The following SMG6 variants were observed in gnomAD, a reference collection of about 807,000 sequenced individuals.
The protein encoded by SMG6 is telomerase-binding protein EST1A.
SMG6 carries 66 observed loss-of-function variants against 142.2 expected under a neutral mutation model. The observed-to-expected ratio is 0.46, with a 90% CI of 0.38 to 0.57. SMG6 has a LOEUF of 0.57. SMG6 is among the 20% of genes least tolerant of loss of function. The probability of loss-of-function intolerance (pLI) is 0.00; values close to 1 mark genes in which losing one functional copy is unlikely to be tolerated. For synonymous variants in SMG6, 779 were observed against 702.4 expected (o/e 1.11, Z -1.72); for missense variants, 1,793 against 1,832.0 (o/e 0.98, Z 0.39).
chr17:2,076,534 A>T (rs998415589), intron 15 of SMG6, among the ~76,000 whole-genome samples: 1 of 152,216 alleles, frequency 6.6e-6, no homozygotes, highest in Non-Finnish European at 1.5e-5. Flanking sequence ...CTGAGGGCAC[A>T]CATGTGTGTG....
At chr17:2,162,019 G>A (rs942889355) in intron 13 of SMG6, among the ~76,000 whole-genome samples, 4 of 152,114 alleles carry the variant, frequency 2.6e-5, no homozygotes, top group African/African-American at 4.8e-5. Flanking sequence ...AGATGGCATC[G>A]TTTATACAAC....
intron 16 of SMG6, among the ~76,000 whole-genome samples, chr17:2,066,600 A>G (rs771756319): frequency 7.0e-6 from 1 of 142,318 alleles, no homozygotes; most frequent in Non-Finnish European, 1.5e-5. Flanking sequence ...TGAGCCTGGC[A>G]CTCATTGTCT....
intron 13 of SMG6, chr17:2,122,498 A>G (rs2069734349): frequency 6.6e-6 from 1 of 152,218 alleles, no homozygotes; most frequent in African/African-American, 2.4e-5. Context: ...GCTGTGTCCT[A>G]ACACTGGATC....
intron 10 of SMG6, among the ~76,000 whole-genome samples, chr17:2,208,505 T>A (rs1597603585): frequency 2.0e-5 from 3 of 152,344 alleles, no homozygotes; most frequent in East Asian, 3.9e-4. Context: ...CTGAAGTGCT[T>A]ACTGCAGCGC....
In SMG6 at chr17:2,303,725, G is replaced by A; in HGVS notation, c.-5C>T. Reference sequence around the variant, plus strand: ...ACGCTCCAGCCCTTCCGCCATCTTCGCGGCTGCTGCTACAGCCGTAGCGGC... The same window carrying A: ...ACGCTCCAGCCCTTCCGCCATCTTCACGGCTGCTGCTACAGCCGTAGCGGC... On this transcript the variant is annotated 5_prime_UTR_variant, in exon 1 of 19. Coordinates refer to ENST00000263073, the MANE Select transcript of SMG6 (RefSeq NM_017575.5). 6.7e-7 allele frequency: 1 copy of A among 1,491,578 alleles called. No homozygotes were observed. Among genetic ancestry groups the A allele is most frequent in the African/African-American group, 1.5e-5 (1 of 68,874 alleles). 92.4% of individuals were successfully genotyped at this position (1,491,578 alleles called of 1,614,324 possible). A position where few individuals can be genotyped will look rare whatever the true frequency, so the allele number is the denominator to read the frequency against.
intron 8 of SMG6, among the ~76,000 whole-genome samples, chr17:2,256,927 G>C (rs1158586674): frequency 2.0e-5 from 3 of 151,742 alleles, no homozygotes; most frequent in Non-Finnish European, 4.4e-5. Flanking sequence ...TTTTTGGAGA[G>C]TAATGTGGCA....
At chr17:2,196,560 T>C (rs1344680755) in intron 10 of SMG6, among the ~76,000 whole-genome samples, 2 of 152,238 alleles carry the variant, frequency 1.3e-5, no homozygotes, top group Non-Finnish European at 2.9e-5. Flanking sequence ...AGGAAGGTTT[T>C]ATGTAGACAA....
chr17:2,299,116 C>T lies in SMG6; in HGVS notation c.1637G>A (p.Gly546Asp). The change falls in exon 2 of 19, where the codon GGC becomes GAC. Residue 546 changes from glycine (G) to aspartate (D), a missense_variant. Gly to Asp is a moderately conservative substitution (Grantham distance 94). This residue lies in a region of SMG6 where 1,597 missense variants were observed against 1,584.6 expected (regional missense o/e 1.01). Transcript: ENST00000263073. The surrounding 1 kb of genome is among the most constrained non-coding windows in gnomAD (Gnocchi z 4.3). ...NGVYPGPYYPGYPTPSGQYVC... is the reference protein window; with the variant it reads ...NGVYPGPYYPDYPTPSGQYVC... ...ATACTGTCCTGACGGAGTCGGGTAGCCTGGGTAGTAAGGCCCTGGGTACAC... is the reference window on the plus strand; with the variant it reads ...ATACTGTCCTGACGGAGTCGGGTAGTCTGGGTAGTAAGGCCCTGGGTACAC... 6.2e-7 allele frequency: 1 copy of T among 1,613,966 alleles called. No individual in the cohort carries two copies. Among genetic ancestry groups the T allele is most frequent in the Non-Finnish European group, 8.5e-7 (1 of 1,179,920 alleles).
In SMG6 at chr17:2,223,600, AC is replaced by A. The variant is rs753380897; in HGVS notation, c.2869+12891del. Among the ~76,000 whole-genome samples, 14 of 152,314 alleles carry A rather than the reference AC, an allele frequency of 9.2e-5. No homozygotes were observed. The East Asian group carries it at 2.3e-3, about 25-fold the overall frequency. ...AGATATATAATGTGATGTAGCTGAA[AC>A]AACAGAGTACTCTTTTCCAAATCTC... On this transcript the variant is annotated intron_variant, in intron 10 of 18. Transcript: ENST00000263073.
At chr17:2,206,461 T>G (rs1318085412) in intron 10 of SMG6, among the ~76,000 whole-genome samples, 3 of 151,870 alleles carry the variant, frequency 2.0e-5, no homozygotes, top group African/African-American at 7.3e-5. Context: ...CTCCTGTAGT[T>G]CCAGCTACTC....
chr17:2,184,960 C>CAAAAAAAAAAAAAAAAAAAAAA (rs58230459), intron 12 of SMG6, among the ~76,000 whole-genome samples: 1 of 22,474 alleles, frequency 4.4e-5, no homozygotes, highest in Non-Finnish European at 6.9e-5. Flanking sequence ...GACTCCATCT[C>CAAAAAAAAAAAAAAAAAAAAAA]AAAAAAAAAA....
At chr17:2,203,971 A>AT (rs982318752) in intron 10 of SMG6, among the ~76,000 whole-genome samples, 1 of 151,836 alleles carries the variant, frequency 6.6e-6, no homozygotes, top group African/African-American at 2.4e-5. Flanking sequence ...TTCCTGAACG[A>AT]TTTTTTTTAA....
chr17:2,137,701 G>C (rs1329592209), intron 13 of SMG6, among the ~76,000 whole-genome samples: 2 of 152,146 alleles, frequency 1.3e-5, no homozygotes, highest in African/African-American at 4.8e-5. Flanking sequence ...ACTAGGTCTT[G>C]AGAGAACTTG....
intron 8 of SMG6, among the ~76,000 whole-genome samples, chr17:2,254,826 G>A (rs112213384): frequency 9.2e-5 from 14 of 152,298 alleles, no homozygotes; most frequent in African/African-American, 2.9e-4. Flanking sequence ...AGACAATTAT[G>A]AAGTGCCATG....
At chr17:2,065,051 C>T (rs1019841205) in intron 18 of SMG6, 22 bp downstream of exon 18, 8 of 1,603,744 alleles carry the variant, frequency 5.0e-6, no homozygotes, top group Non-Finnish European at 5.1e-6. Context: ...TGGAAGATCC[C>T]AAGGCGGAGG....
chr17:2,199,142 G>C (rs1465392231), intron 10 of SMG6, among the ~76,000 whole-genome samples: 2 of 152,080 alleles, frequency 1.3e-5, no homozygotes, highest in African/African-American at 4.8e-5. Context: ...CAGAAACTGA[G>C]CGAGCAGTTA....
At position 2,295,993 on chromosome 17, in the gene SMG6, T is replaced by C. The variant is rs74563928; in HGVS notation, c.2151+1250A>G. 5.9e-3 allele frequency among the ~76,000 whole-genome samples: 897 copies of C among 152,270 alleles called. 7 individuals are homozygous for C. The highest frequency in any genetic ancestry group is 0.021 in the African/African-American group (858 of 41,544). On this transcript the variant is annotated intron_variant, in intron 4 of 18. Coordinates refer to ENST00000263073, the MANE Select transcript of SMG6 (RefSeq NM_017575.5). ...CTCTTTCCCATCTCCACGACCTCTA[T>C]CTTAGTTCAGACCTACAACCTGACT...
intron 13 of SMG6, chr17:2,127,283 T>C: frequency 2.5e-6 from 1 of 395,790 alleles, no homozygotes; most frequent in Non-Finnish European, 4.8e-6. Flanking sequence ...GTTACGGCGT[T>C]TGGAATGATG....
intron 12 of SMG6, among the ~76,000 whole-genome samples, chr17:2,178,062 C>A (rs1421262429): frequency 6.6e-6 from 1 of 152,154 alleles, no homozygotes; most frequent in Non-Finnish European, 1.5e-5. Context: ...ATAAGTGTGG[C>A]AGAGTTAAAA....
Sources: allele counts gnomAD v4.1 joint callset (sites outside exome capture counted in the v4.1 genomes callset), GRCh38; gene constraint gnomAD v4.1.1; regional missense constraint gnomAD v4.1.1; non-coding constraint Gnocchi (gnomAD v3.1); transcripts MANE v1.5; gene names NCBI Gene and HGNC (gene_info 2026-07-23, HGNC 2026-07-21).